The following GNAO1 variants were observed in gnomAD, a reference collection of about 807,000 sequenced individuals.
GNAO1 encodes the protein guanine nucleotide-binding protein G(o) subunit alpha.
For missense variants in GNAO1, 166 were observed against 478.7 expected (o/e 0.35, Z 6.10); for synonymous variants, 164 against 180.7 (o/e 0.91, Z 0.74).
At chr16:56,249,757 G>A (rs1359257964) in intron 2 of GNAO1, among the ~76,000 whole-genome samples, 2 of 152,192 alleles carry the variant, frequency 1.3e-5, no homozygotes, top group African/African-American at 4.8e-5. Flanking sequence ...GCTCCTCCCT[G>A]CAGCAGCTCC....
rs746319255 is a variant in GNAO1 at position 56,311,009 on chromosome 16, A to G, written c.304-17622A>G. Among the ~76,000 whole-genome samples the G allele has an allele frequency of 3.9e-5, 6 of 152,166 alleles. No homozygotes were observed. The highest frequency in any genetic ancestry group is 7.4e-5 in the Non-Finnish European group (5 of 68,022). On this transcript the variant is annotated intron_variant, in intron 3 of 8. Transcript: ENST00000262493. This position sits in a 1 kb window ranked among gnomAD's most constrained non-coding sequence, Gnocchi z 5.2. ...ATTTCATTGATTTCAACTTAGTTAC[A>G]TGGCAGGTTGTGGCCTACAGAAAAG...
chr16:56,229,004 A>AG (rs1237956737), intron 2 of GNAO1, among the ~76,000 whole-genome samples: 1 of 152,252 alleles, frequency 6.6e-6, no homozygotes, highest in African/African-American at 2.4e-5. Context: ...TGTGGTACAT[A>AG]GTAGGAGCTC....
chr16:56,235,112 T>G (rs1296568350), intron 2 of GNAO1: 1 of 348,000 alleles, frequency 2.9e-6, no homozygotes, highest in African/African-American at 2.1e-5. Flanking sequence ...CTCACAACTC[T>G]CAGGGTGCAG....
chr16:56,256,841 A>G (rs1483391169), intron 2 of GNAO1, among the ~76,000 whole-genome samples: 2 of 151,604 alleles, frequency 1.3e-5, no homozygotes, highest in Admixed American at 6.6e-5. Context: ...GTCTAGTTGA[A>G]TCTGATTAGA....
intron 3 of GNAO1, among the ~76,000 whole-genome samples, chr16:56,310,137 T>C (rs1253383103): frequency 6.6e-6 from 1 of 151,786 alleles, no homozygotes; most frequent in Non-Finnish European, 1.5e-5. Flanking sequence ...TGAGACCCCA[T>C]TTCTAAAAAA....
intron 6 of GNAO1, among the ~76,000 whole-genome samples, chr16:56,338,495 A>G (rs1311193376): frequency 6.6e-6 from 1 of 152,186 alleles, no homozygotes; most frequent in Admixed American, 6.5e-5. Context: ...ACTCTATGCT[A>G]TTACGGCCAC....
intron 2 of GNAO1, among the ~76,000 whole-genome samples, chr16:56,260,114 G>C (rs1567458753): frequency 6.6e-6 from 1 of 152,182 alleles, no homozygotes; most frequent in Non-Finnish European, 1.5e-5. Context: ...GGAGGCAGGG[G>C]TTATTGGGAG....
At chr16:56,334,464 A>G (rs544722611) in intron 4 of GNAO1, among the ~76,000 whole-genome samples, 2 of 152,356 alleles carry the variant, frequency 1.3e-5, no homozygotes, top group East Asian at 1.9e-4. Context: ...TGGTAGTCTC[A>G]TATAAAAGCT....
intron 2 of GNAO1, among the ~76,000 whole-genome samples, chr16:56,226,925 A>C (rs755522719): frequency 6.6e-6 from 1 of 152,216 alleles, no homozygotes; most frequent in Non-Finnish European, 1.5e-5. Flanking sequence ...GCTTGATGCT[A>C]CATTTTTGGG....
intron 2 of GNAO1, 128 bp downstream of exon 2, chr16:56,192,744 A>G (rs564441822): frequency 1.4e-5 from 9 of 645,548 alleles, no homozygotes; most frequent in Non-Finnish European, 2.3e-5. Flanking sequence ...ACACACACAC[A>G]CACACACCCC....
At chr16:56,213,457 G>T (rs2036409088) in intron 2 of GNAO1, 2 of 396,948 alleles carry the variant, frequency 5.0e-6, no homozygotes, top group Admixed American at 8.8e-5. Flanking sequence ...GAAGAATAAA[G>T]CAGGCAAGGG....
chr16:56,274,723 A>G (rs2037046911), intron 2 of GNAO1, among the ~76,000 whole-genome samples: 1 of 152,262 alleles, frequency 6.6e-6, no homozygotes, highest in South Asian at 2.1e-4. Context: ...CCGAATTTAT[A>G]GAAACAAAAT....
At chr16:56,259,318 G>A (rs2036881898) in intron 2 of GNAO1, among the ~76,000 whole-genome samples, 1 of 152,242 alleles carries the variant, frequency 6.6e-6, no homozygotes, top group Non-Finnish European at 1.5e-5. Flanking sequence ...CTCAGGAGGT[G>A]TTGGGTAAAT....
intron 3 of GNAO1, chr16:56,308,034 TAAG>T (rs1337997659): frequency 3.9e-5 from 6 of 152,112 alleles, no homozygotes; most frequent in African/African-American, 9.7e-5. Context: ...CCTTGGAAGG[TAAG>T]AAGAAGGGAC....
At chr16:56,243,740 T>A (rs536342440) in intron 2 of GNAO1, among the ~76,000 whole-genome samples, 1 of 152,204 alleles carries the variant, frequency 6.6e-6, no homozygotes, top group East Asian at 1.9e-4. Context: ...GTTGTACATA[T>A]CTGTGACTGT....
chr16:56,353,682 G>C (rs1310414128), intron 7 of GNAO1, among the ~76,000 whole-genome samples: 1 of 152,224 alleles, frequency 6.6e-6, no homozygotes, highest in Non-Finnish European at 1.5e-5. Flanking sequence ...TGCCCAGTTC[G>C]GCTCTCTCCA....
At chr16:56,283,056 A>G (rs1181801115) in intron 3 of GNAO1, among the ~76,000 whole-genome samples, 2 of 152,234 alleles carry the variant, frequency 1.3e-5, no homozygotes, top group Admixed American at 1.3e-4. Flanking sequence ...AAAACAACTC[A>G]GGGACATATG....
chr16:56,350,956 TGCACACACAGGTGCACACACATAG>T (rs1474179214), intron 6 of GNAO1, among the ~76,000 whole-genome samples: 1 of 151,154 alleles, frequency 6.6e-6, no homozygotes, highest in East Asian at 1.9e-4. Flanking sequence ...CACACAGGCA[TGCACACACAGGTGCACACACATAG>T]GCACACATGC....
chr16:56,343,487 CAAA>C (rs5817055), intron 6 of GNAO1, among the ~76,000 whole-genome samples: 6 of 134,346 alleles, frequency 4.5e-5, no homozygotes, highest in Admixed American at 7.3e-5. Context: ...GACCCTATCT[CAAA>C]AAAAAAAAAA....
Sources: gnomAD v4.1 joint callset for allele counts (sites outside exome capture counted in the v4.1 genomes callset) on GRCh38, gnomAD v4.1.1 for gene constraint, Gnocchi (gnomAD v3.1) non-coding constraint, MANE v1.5 for transcripts, NCBI Gene and HGNC (gene_info 2026-07-23, HGNC 2026-07-21) for gene names.